PUM1: variants seen among roughly 807,000 people sequenced by gnomAD.
The protein encoded by PUM1 is pumilio RNA binding family member 1.
Under a neutral mutation model 131.8 loss-of-function variants are expected in PUM1, and 13 were observed. The ratio of observed to expected loss-of-function variants is 0.10; its 90% CI spans 0.06 to 0.16. The LOEUF is 0.16. PUM1 is among the 10% of genes least tolerant of loss of function. The probability of loss-of-function intolerance (pLI) is 1.00; values close to 1 mark genes in which losing one functional copy is unlikely to be tolerated. For missense variants in PUM1, 961 were observed against 1,512.4 expected (o/e 0.64, Z 6.05); for synonymous variants, 509 against 556.5 (o/e 0.91, Z 1.20).
intron 20 of PUM1, among the ~76,000 whole-genome samples, chr1:30,940,082 AC>A (rs1320062559): frequency 6.6e-6 from 1 of 152,146 alleles, no homozygotes; most frequent in African/African-American, 2.4e-5. Flanking sequence ...GTAAGAGATA[AC>A]CCTGATAGGG....
chr1:31,050,804 G>A (rs186672798), intron 2 of PUM1: 163 of 167,298 alleles, frequency 9.7e-4, no homozygotes, highest in African/African-American at 3.4e-3. Flanking sequence ...AGTAGTCCCT[G>A]TTAATTACAA....
At chr1:31,018,449 A>G (rs1486481819) in intron 3 of PUM1, among the ~76,000 whole-genome samples, 1 of 152,174 alleles carries the variant, frequency 6.6e-6, no homozygotes, top group Non-Finnish European at 1.5e-5. Flanking sequence ...TGAGGTCAGG[A>G]GTTCGAGACC....
At chr1:31,042,522 T>G (rs1480497044) in intron 2 of PUM1, among the ~76,000 whole-genome samples, 1 of 152,172 alleles carries the variant, frequency 6.6e-6, no homozygotes, top group Non-Finnish European at 1.5e-5. Context: ...TTCTAACATC[T>G]AAACTCCACT....
Position 30,966,167 on chromosome 1 carries a change from T to TGCTGGG in PUM1, c.1895_1900dup (p.Pro632_Gln633dup), listed in dbSNP as rs745424967. ...GGATGCCAGGTTGTTATTGGGCTGCTGCTGGGGCTGGGGCTGAGGCTGCTG... is the reference window on the plus strand; with the variant it reads ...GGATGCCAGGTTGTTATTGGGCTGCTGCTGGGGCTGGGGCTGGGGCTGAGGCTGCTG... On this transcript the variant is annotated inframe_insertion, in exon 13 of 22. Coordinates refer to ENST00000426105, the MANE Select transcript of PUM1 (RefSeq NM_001020658.2). 3.7e-6 allele frequency: 6 copies of TGCTGGG among 1,614,032 alleles called. No individual in the cohort carries two copies. The highest frequency in any genetic ancestry group is 2.2e-5 in the South Asian group (2 of 91,092).
intron 7 of PUM1, among the ~76,000 whole-genome samples, chr1:30,991,330 T>C (rs1013105744): frequency 6.6e-6 from 1 of 152,210 alleles, no homozygotes; most frequent in South Asian, 2.1e-4. Context: ...CTTATATGAA[T>C]ATGCACATTC....
intron 2 of PUM1, among the ~76,000 whole-genome samples, chr1:31,048,685 A>G (rs1644031236): frequency 6.6e-6 from 1 of 151,676 alleles, no homozygotes; most frequent in Non-Finnish European, 1.5e-5. Context: ...TGTGTTAGCC[A>G]GGACAGTCTC....
At chr1:30,962,579 T>G (rs958621119) in intron 14 of PUM1, among the ~76,000 whole-genome samples, 2 of 151,912 alleles carry the variant, frequency 1.3e-5, no homozygotes, top group Admixed American at 1.3e-4. Flanking sequence ...CCTGGCTAAT[T>G]TTTGTATTTT....
At chr1:31,026,720 C>A (rs1381048357) in intron 3 of PUM1, among the ~76,000 whole-genome samples, 1 of 152,136 alleles carries the variant, frequency 6.6e-6, no homozygotes, top group Non-Finnish European at 1.5e-5. Context: ...CTCTCTTGGC[C>A]TTTTTCCTTA....
chr1:31,063,173 A>T lies in PUM1; in HGVS notation c.-12+2443T>A, dbSNP rs149174216. On this transcript the variant is annotated intron_variant, in intron 1 of 21. Coordinates refer to ENST00000426105, the MANE Select transcript of PUM1 (RefSeq NM_001020658.2). ...TTCTAAAAGGAAATCTCGACCTAAC[A>T]ATCTTTGTTCTAGAGCAGGCCAAGA... Among the ~76,000 whole-genome samples the T allele has an allele frequency of 4.6e-3, 702 of 152,238 alleles. 4 individuals carry two copies. Among genetic ancestry groups the T allele is most frequent in the Non-Finnish European group, 5.7e-3 (385 of 68,026 alleles).
intron 14 of PUM1, among the ~76,000 whole-genome samples, chr1:30,962,852 A>G (rs1021821856): frequency 7.2e-5 from 11 of 152,098 alleles, no homozygotes; most frequent in Non-Finnish European, 1.5e-4. Flanking sequence ...AACCTAAAAC[A>G]TTTACTATCT....
intron 18 of PUM1, among the ~76,000 whole-genome samples, chr1:30,945,132 G>A (rs1639616720): frequency 6.6e-6 from 1 of 152,100 alleles, no homozygotes; most frequent in South Asian, 2.1e-4. Context: ...TACTTGGGAG[G>A]CTGAGGGGGG....
Position 30,968,472 on chromosome 1 carries a change from G to A in PUM1, c.1527C>T (p.Ser509=). 6.3e-7 allele frequency: 1 copy of A among 1,590,564 alleles called. No individual in the cohort carries two copies. Among genetic ancestry groups the A allele is most frequent in the Non-Finnish European group, 8.5e-7 (1 of 1,173,890 alleles). Residue 509 remains serine, a synonymous_variant, in exon 11 of 22, where the codon AGC becomes AGT. Coordinates refer to ENST00000426105, the MANE Select transcript of PUM1 (RefSeq NM_001020658.2). ...GQQQVLRGGA[S]QRPLTPNQNQ... ...TCTGGTTTGGGGTCAAAGGACGTTGGCTGGCTCCTCCACGGAGAACCTGGG... is the reference window on the plus strand; with the variant it reads ...TCTGGTTTGGGGTCAAAGGACGTTGACTGGCTCCTCCACGGAGAACCTGGG...
intron 1 of PUM1, 25 bp downstream of exon 1, chr1:31,065,591 G>C (rs1245263879): frequency 6.5e-7 from 1 of 1,542,388 alleles, no homozygotes; most frequent in Non-Finnish European, 8.7e-7. Context: ...GCAGCGTTTG[G>C]GGCCGGTGGG....
chr1:31,012,107 C>G (rs988176612), intron 3 of PUM1, among the ~76,000 whole-genome samples: 1 of 152,142 alleles, frequency 6.6e-6, no homozygotes, highest in African/African-American at 2.4e-5. Flanking sequence ...GGCTCCAACT[C>G]TGCTTACCAA....
Position 30,992,503 on chromosome 1 carries a change from G to C in PUM1, c.1045C>G (p.Pro349Ala). Residue 349 changes from proline (P) to alanine (A), a missense_variant, in exon 7 of 22, where the codon CCC becomes GCC. Pro to Ala is a conservative substitution (Grantham distance 27). Transcript: ENST00000426105. ...NMESQSVPLD[P>A]MEHVGMEPLQ... is the part of the protein sequence containing the mutation. ...GGCTCCATGCCCACATGTTCCATGG[G>C]GTCCAAGGGGACACTCTGGGACTCC... 6.2e-7 allele frequency: 1 copy of C among 1,614,180 alleles called. No homozygotes were observed.
At chr1:31,048,387 A>C (rs1226642562) in intron 2 of PUM1, among the ~76,000 whole-genome samples, 2 of 150,254 alleles carry the variant, frequency 1.3e-5, no homozygotes, top group Non-Finnish European at 2.9e-5. Flanking sequence ...CTAAGTAAGA[A>C]TCTCAGGAAT....
intron 1 of PUM1, among the ~76,000 whole-genome samples, chr1:31,060,084 G>A (rs1644333622): frequency 6.6e-6 from 1 of 151,028 alleles, no homozygotes; most frequent in African/African-American, 2.4e-5. Context: ...CCGACCTCAG[G>A]TGATCTACCC....
intron 20 of PUM1, among the ~76,000 whole-genome samples, chr1:30,938,264 T>A (rs929394949): frequency 6.6e-6 from 1 of 151,860 alleles, no homozygotes; most frequent in African/African-American, 2.4e-5. Flanking sequence ...TTTGAAAAAA[T>A]TTTTGTTTGA....
At chr1:31,002,221 A>AC (rs1642241218) in intron 5 of PUM1, among the ~76,000 whole-genome samples, 2 of 152,222 alleles carry the variant, frequency 1.3e-5, no homozygotes, top group East Asian at 3.8e-4. Flanking sequence ...AGCACTGGTT[A>AC]CCTAAAGTAA....
Sources: allele counts gnomAD v4.1 joint callset (sites outside exome capture counted in the v4.1 genomes callset), GRCh38; gene constraint gnomAD v4.1.1; transcripts MANE v1.5; gene names NCBI Gene and HGNC (gene_info 2026-07-23, HGNC 2026-07-21).